The following RBFOX1 variants were observed in gnomAD, a reference collection of about 807,000 sequenced individuals.
The protein encoded by RBFOX1 is RNA binding protein fox-1 homolog 1.
A neutral mutation model predicts 57.7 loss-of-function variants in RBFOX1; 8 were observed. That is an observed-to-expected ratio of 0.14 (90% CI 0.08 to 0.25). The LOEUF (loss-of-function observed/expected upper bound fraction) is 0.25. Ranked by LOEUF, RBFOX1 falls within the 10% of genes least tolerant of loss-of-function variation. The pLI is 1.00. For missense variants in RBFOX1, 611 were observed against 548.5 expected, an observed-to-expected ratio of 1.11 and a Z score of -1.14; for synonymous variants, 326 against 222.4, an observed-to-expected ratio of 1.47 and a Z score of -4.15.
intron 4 of RBFOX1, among the ~76,000 whole-genome samples, chr16:7,179,908 T>A (rs1414231264): frequency 6.7e-6 from 1 of 150,010 alleles, no homozygotes; most frequent in Non-Finnish European, 1.5e-5. Flanking sequence ...CTAATTTTTG[T>A]ATTTTTTTTT....
At chr16:7,376,190 A>C (rs74010688) in intron 4 of RBFOX1, among the ~76,000 whole-genome samples, 2,270 of 152,302 alleles carry the variant, frequency 0.015, 61 homozygotes, top group African/African-American at 0.052. Context: ...AGCTATGTCA[A>C]TATATATGTT....
chr16:7,058,005 G>GAA lies in RBFOX1; in HGVS notation c.27+5907_27+5908insAA, dbSNP rs145498650. 7.7e-3 allele frequency among the ~76,000 whole-genome samples: 931 copies of GAA among 121,570 alleles called. 24 individuals are homozygous for GAA. Among genetic ancestry groups the GAA allele is most frequent in the African/African-American group, 0.026 (821 of 31,010 alleles). The allele number at this position is 121,570 out of a possible 152,430, so 79.8% of individuals were successfully genotyped here. ...TCTGGTCGACAGAGGGAGACTGTGG[G>GAA]GAAAAAAAAAAAAAAAACACGAAAA... is the stretch of plus-strand genomic sequence containing the variant. On this transcript the variant is annotated intron_variant, in intron 4 of 15. Transcript: ENST00000550418.
chr16:5,964,595 A>C (rs929245691), intron 4 of RBFOX1, among the ~76,000 whole-genome samples: 1 of 152,112 alleles, frequency 6.6e-6, no homozygotes, highest in East Asian at 1.9e-4. Flanking sequence ...ATATGCATCT[A>C]TATCTATGTA....
intron 2 of RBFOX1, among the ~76,000 whole-genome samples, chr16:5,542,165 T>C (rs1165662739): frequency 1.3e-5 from 2 of 152,136 alleles, no homozygotes; most frequent in Non-Finnish European, 2.9e-5. Flanking sequence ...ATCGACTCTG[T>C]ATAGCTTAAT....
At chr16:5,719,202 CTTT>C (rs34350208) in intron 3 of RBFOX1, among the ~76,000 whole-genome samples, 3,041 of 120,072 alleles carry the variant, frequency 0.025, 70 homozygotes, top group African/African-American at 0.065. Flanking sequence ...ATATTAGAAT[CTTT>C]TTTTTTTTTT....
intron 2 of RBFOX1, among the ~76,000 whole-genome samples, chr16:6,606,532 C>T (rs760120067): frequency 5.9e-5 from 9 of 152,086 alleles, no homozygotes; most frequent in African/African-American, 1.4e-4. Flanking sequence ...TTCCCCTCTA[C>T]GAGGCCCCAT....
chr16:6,225,595 C>G (rs1321413234), intron 1 of RBFOX1, among the ~76,000 whole-genome samples: 1 of 152,176 alleles, frequency 6.6e-6, no homozygotes, highest in Non-Finnish European at 1.5e-5. Context: ...TTTACTTTAA[C>G]TTCTGCCACA....
At chr16:7,112,525 CAT>C (rs2065006329) in intron 4 of RBFOX1, among the ~76,000 whole-genome samples, 1 of 151,974 alleles carries the variant, frequency 6.6e-6, no homozygotes, top group Non-Finnish European at 1.5e-5. Context: ...ATTCTTTTAA[CAT>C]ATATTGTCCA....
chr16:5,534,404 G>T (rs185818643), intron 2 of RBFOX1, among the ~76,000 whole-genome samples: 3 of 152,278 alleles, frequency 2.0e-5, no homozygotes, highest in Non-Finnish European at 2.9e-5. Context: ...GGCTCAGTCC[G>T]AGTCCAGATG....
At chr16:6,043,057 G>A (rs1263103956) in intron 1 of RBFOX1, among the ~76,000 whole-genome samples, 3 of 141,444 alleles carry the variant, frequency 2.1e-5, no homozygotes, top group Non-Finnish European at 4.5e-5. Context: ...GGCAGAGGTT[G>A]TGTTGAGCCG....
chr16:5,510,324 C>A (rs1291647116), intron 2 of RBFOX1, among the ~76,000 whole-genome samples: 1 of 152,200 alleles, frequency 6.6e-6, no homozygotes. Context: ...TGGGGCCGCT[C>A]TCCCTCTGAC....
intron 4 of RBFOX1, among the ~76,000 whole-genome samples, chr16:7,273,200 C>CCCTCCCTTCCTT (rs769427711): frequency 1.9e-5 from 1 of 53,344 alleles, no homozygotes; most frequent in Non-Finnish European, 3.6e-5. Context: ...CTTCCTTCCT[C>CCCTCCCTTCCTT]CCTCCCTTCC....
intron 2 of RBFOX1, among the ~76,000 whole-genome samples, chr16:6,637,471 TTA>T (rs2098453997): frequency 1.2e-5 from 1 of 83,900 alleles, no homozygotes; most frequent in African/African-American, 4.0e-5. Context: ...GTATTATATA[TTA>T]TATATAATAT....
chr16:6,835,536 G>C (rs563879460), intron 3 of RBFOX1, among the ~76,000 whole-genome samples: 2 of 152,028 alleles, frequency 1.3e-5, no homozygotes, highest in African/African-American at 4.8e-5. Flanking sequence ...AAGATCACTT[G>C]AGGCCAGGAG....
chr16:5,436,178 A>T (rs1160281794), intron 1 of RBFOX1, among the ~76,000 whole-genome samples: 2 of 152,184 alleles, frequency 1.3e-5, no homozygotes, highest in African/African-American at 4.8e-5. Flanking sequence ...GGGGAGAGAC[A>T]CTTCAATGCT....
At chr16:6,914,962 C>G (rs7203013) in intron 3 of RBFOX1, among the ~76,000 whole-genome samples, 67 of 152,232 alleles carry the variant, frequency 4.4e-4, no homozygotes, top group African/African-American at 1.2e-3. Flanking sequence ...CGGATAGTGC[C>G]TGCGTACTAT....
chr16:5,650,257 C>T lies in RBFOX1; in HGVS notation c.318+51296C>T, dbSNP rs563081941. ...CCAGAGAGGCTGACTCTGATGGCCTCGGGAGATGTGAAGTGCCCCTTTCTG... is the reference window on the plus strand; with the variant it reads ...CCAGAGAGGCTGACTCTGATGGCCTTGGGAGATGTGAAGTGCCCCTTTCTG... On this transcript the variant is annotated intron_variant, in intron 3 of 19. Coordinates refer to the RBFOX1 transcript ENST00000641259. Among the ~76,000 whole-genome samples the T allele has an allele frequency of 6.6e-5, 10 of 151,234 alleles. 1 individual carries two copies. Among genetic ancestry groups the T allele is most frequent in the Admixed American group, 6.6e-4 (10 of 15,208 alleles).
At chr16:6,950,309 T>G (rs2080450692) in intron 3 of RBFOX1, among the ~76,000 whole-genome samples, 1 of 151,918 alleles carries the variant, frequency 6.6e-6, no homozygotes, top group African/African-American at 2.4e-5. Context: ...TCTCACAGCC[T>G]CATGTACACA....
At chr16:7,577,024 C>T (rs866017966) in intron 5 of RBFOX1, among the ~76,000 whole-genome samples, 62 of 152,176 alleles carry the variant, frequency 4.1e-4, no homozygotes, top group African/African-American at 1.1e-3. Context: ...GTATTCTCAG[C>T]GGAGAAAACG....
Sources: gnomAD v4.1 joint callset for allele counts (sites outside exome capture counted in the v4.1 genomes callset) on GRCh38, gnomAD v4.1.1 for gene constraint, MANE v1.5 for transcripts, NCBI Gene and HGNC (gene_info 2026-07-23, HGNC 2026-07-21) for gene names.